The following DPY19L3 variants were observed in gnomAD, a reference collection of about 807,000 sequenced individuals.
The protein encoded by DPY19L3 is dpy-19 like C-mannosyltransferase 3.
Under a neutral mutation model 92.3 loss-of-function variants are expected in DPY19L3, and 51 were observed. The observed-to-expected ratio is 0.55, with a 90% CI of 0.44 to 0.70. The LOEUF (loss-of-function observed/expected upper bound fraction) is 0.70. DPY19L3 is among the 30% of genes least tolerant of loss of function. The pLI is 0.00. For missense variants in DPY19L3, 706 were observed against 855.9 expected, an observed-to-expected ratio of 0.82 and a Z score of 2.18; for synonymous variants, 309 against 315.2, an observed-to-expected ratio of 0.98 and a Z score of 0.21.
At chr19:32,417,365 A>T (rs1021089021) in intron 3 of DPY19L3, among the ~76,000 whole-genome samples, 4 of 152,064 alleles carry the variant, frequency 2.6e-5, no homozygotes, top group African/African-American at 9.7e-5. Flanking sequence ...TGTCGTCCAG[A>T]CTGGAGTGCA....
At chr19:32,457,414 T>A (rs73036023) in intron 10 of DPY19L3, among the ~76,000 whole-genome samples, 1 of 152,084 alleles carries the variant, frequency 6.6e-6, no homozygotes, top group African/African-American at 2.4e-5. Context: ...AAAGACCAGA[T>A]TTGTGGCTCA....
Position 32,439,164 on chromosome 19 carries a change from C to T in DPY19L3, c.649C>T (p.Leu217=), listed in dbSNP as rs1969244362. The T allele has an allele frequency of 1.2e-6, 2 of 1,613,640 alleles. No homozygotes were observed. Among genetic ancestry groups the T allele is most frequent in the African/African-American group, 1.3e-5 (1 of 75,040 alleles). ...CATCCCACTGAGGGAGAACTGGGCG[C>T]TGCCATTCTTTGCAATTCAGATAGC... is the stretch of plus-strand genomic sequence containing the variant. ...FTIPLRENWA[L]PFFAIQIAAI... Residue 217 remains leucine, a synonymous_variant, in exon 7 of 19, where the codon CTG becomes TTG. Transcript: ENST00000392250.
intron 16 of DPY19L3, among the ~76,000 whole-genome samples, chr19:32,474,703 T>C (rs1389561596): frequency 6.6e-6 from 1 of 152,060 alleles, no homozygotes; most frequent in Non-Finnish European, 1.5e-5. Context: ...TGATTCTCCC[T>C]CCTCAGCCTC....
chr19:32,480,192 T>G (rs979651202), intron 17 of DPY19L3, among the ~76,000 whole-genome samples: 1 of 152,162 alleles, frequency 6.6e-6, no homozygotes, highest in African/African-American at 2.4e-5. Flanking sequence ...CTCACTCTCT[T>G]CCCAAGGCCG....
intron 12 of DPY19L3, among the ~76,000 whole-genome samples, chr19:32,460,844 C>CTTTGTT (rs71336909): frequency 6.7e-6 from 1 of 148,154 alleles, no homozygotes; most frequent in Non-Finnish European, 1.5e-5. Context: ...GATACTATGA[C>CTTTGTT]TTGTTTTGTT....
chr19:32,475,989 T>C (rs1970497145), intron 16 of DPY19L3, among the ~76,000 whole-genome samples: 2 of 152,200 alleles, frequency 1.3e-5, no homozygotes, highest in Non-Finnish European at 2.9e-5. Context: ...TTTTCCTCAC[T>C]TAAGAACGCT....
chr19:32,429,142 C>T (rs183261756), intron 3 of DPY19L3, among the ~76,000 whole-genome samples: 42 of 152,306 alleles, frequency 2.8e-4, no homozygotes, highest in Non-Finnish European at 4.3e-4. Context: ...CCACCACACC[C>T]GGCCAGCTGT....
chr19:32,407,564 G>A (rs897610999), intron 1 of DPY19L3, among the ~76,000 whole-genome samples: 1 of 152,290 alleles, frequency 6.6e-6, no homozygotes, highest in East Asian at 1.9e-4. Flanking sequence ...GTTACGTGAC[G>A]CATTGCGTGG....
Position 32,439,946 on chromosome 19 carries a change from G to A in DPY19L3, c.855+36G>A, listed in dbSNP as rs1168014776. On this transcript the variant is annotated intron_variant, in intron 8 of 18. Coordinates refer to ENST00000392250, the MANE Select transcript of DPY19L3 (RefSeq NM_001172774.2). ...CTTTCTTTTCTCACTTGAGATTTTG[G>A]CCATTTAGTGTTTTTATATCATAGA... 4 of 1,606,610 alleles carry A rather than the reference G, an allele frequency of 2.5e-6. No homozygotes were observed. In the East Asian group the frequency reaches 9.0e-5, roughly 36 times the overall value.
Position 32,482,897 on chromosome 19 carries a change from T to C in DPY19L3, c.*657T>C, listed in dbSNP as rs556694271. On this transcript the variant is annotated 3_prime_UTR_variant, in exon 19 of 19. Transcript: ENST00000392250. The stretch of plus-strand genomic sequence containing the variant: ...CTGTGTGTGTGCATGTGCACACATG[T>C]GTTTTAATGCTGGGCACAGAAAAGT... 2.0e-5 allele frequency: 3 copies of C among 152,394 alleles called. No individual in the cohort carries two copies. In the South Asian group the frequency reaches 6.2e-4, roughly 32 times the overall value. 9.4% of individuals were successfully genotyped at this position (152,394 alleles called of 1,614,324 possible). A position where few individuals can be genotyped will look rare whatever the true frequency, so the allele number is the denominator to read the frequency against.
At chr19:32,441,494 CTTTTT>C (rs11326098) in intron 8 of DPY19L3, among the ~76,000 whole-genome samples, 3 of 130,212 alleles carry the variant, frequency 2.3e-5, no homozygotes, top group African/African-American at 9.1e-5. Flanking sequence ...ACATGTGTCT[CTTTTT>C]TTTTTTTTTT....
intron 2 of DPY19L3, among the ~76,000 whole-genome samples, chr19:32,408,719 A>G (rs1328446006): frequency 2.6e-5 from 4 of 151,794 alleles, no homozygotes; most frequent in Non-Finnish European, 5.9e-5. Context: ...GTGAGTTTCC[A>G]TTAAGGTAGT....
At chr19:32,434,231 G>A (rs148768987) in intron 4 of DPY19L3, among the ~76,000 whole-genome samples, 47 of 152,278 alleles carry the variant, frequency 3.1e-4, no homozygotes, top group African/African-American at 6.7e-4. Context: ...TCTGGCATGC[G>A]TGTTTCCCAC....
intron 16 of DPY19L3, among the ~76,000 whole-genome samples, chr19:32,470,506 T>G (rs1211541672): frequency 1.3e-5 from 2 of 152,134 alleles, no homozygotes; most frequent in Non-Finnish European, 2.9e-5. Flanking sequence ...ATAAAGTCAT[T>G]AAAAATGTAT....
At chr19:32,456,963 C>T (rs939030549) in intron 10 of DPY19L3, among the ~76,000 whole-genome samples, 9 of 152,160 alleles carry the variant, frequency 5.9e-5, no homozygotes, top group Non-Finnish European at 5.9e-5. Flanking sequence ...GAGTTCAAAA[C>T]CATCCTGGGA....
chr19:32,426,013 A>G (rs1446025204), intron 3 of DPY19L3, among the ~76,000 whole-genome samples: 1 of 152,208 alleles, frequency 6.6e-6, no homozygotes, highest in African/African-American at 2.4e-5. Context: ...TTTCATCTAC[A>G]TTGAGTATCT....
intron 15 of DPY19L3, among the ~76,000 whole-genome samples, chr19:32,466,385 C>G (rs1466268713): frequency 2.0e-5 from 3 of 152,166 alleles, no homozygotes; most frequent in Admixed American, 2.0e-4. Flanking sequence ...TTTAAGAACC[C>G]CCTGCTGTAG....
At chr19:32,451,440 TC>T (rs1428061533) in intron 8 of DPY19L3, among the ~76,000 whole-genome samples, 3 of 152,194 alleles carry the variant, frequency 2.0e-5, no homozygotes, top group Non-Finnish European at 2.9e-5. Context: ...ATCCTAAAGA[TC>T]ATCAGCATCC....
chr19:32,445,075 CAAA>C (rs771623749), intron 8 of DPY19L3, among the ~76,000 whole-genome samples: 4 of 54,602 alleles, frequency 7.3e-5, no homozygotes, highest in Admixed American at 4.0e-4. Context: ...GACCCAGTCT[CAAA>C]AAAAAAAAAA....
Sources: gnomAD v4.1 joint callset for allele counts (sites outside exome capture counted in the v4.1 genomes callset) on GRCh38, gnomAD v4.1.1 for gene constraint, MANE v1.5 for transcripts, NCBI Gene and HGNC (gene_info 2026-07-23, HGNC 2026-07-21) for gene names.